The following SCHIP1 variants were observed in gnomAD, a reference collection of about 807,000 sequenced individuals.
SCHIP1 encodes schwannomin-interacting protein 1.
Under a neutral mutation model 29.7 loss-of-function variants are expected in SCHIP1, and 8 were observed. The ratio of observed to expected loss-of-function variants is 0.27; its 90% CI spans 0.16 to 0.49. SCHIP1 has a LOEUF of 0.49. SCHIP1 is among the 20% of genes least tolerant of loss of function. The pLI is 0.99. For missense variants in SCHIP1, 193 were observed against 294.6 expected, an observed-to-expected ratio of 0.66 and a Z score of 2.52; for synonymous variants, 76 against 94.9, an observed-to-expected ratio of 0.80 and a Z score of 1.16.
the SCHIP1 span, among the ~76,000 whole-genome samples, chr3:159,416,482 C>G: frequency 6.6e-6 from 1 of 152,162 alleles, no homozygotes; most frequent in Non-Finnish European, 1.5e-5. Context: ...GTGTCTGGCA[C>G]ATAACAGGCT....
the SCHIP1 span, among the ~76,000 whole-genome samples, chr3:159,398,408 G>A: frequency 1.3e-5 from 2 of 152,192 alleles, no homozygotes; most frequent in Non-Finnish European, 2.9e-5. Context: ...CAAAGGACTT[G>A]AGAGCCATGA....
chr3:159,570,206 G>A, the SCHIP1 span, among the ~76,000 whole-genome samples: 2 of 152,176 alleles, frequency 1.3e-5, no homozygotes, highest in Non-Finnish European at 2.9e-5. Context: ...TTTTAGTCCT[G>A]AAGTCCTTGC....
At chr3:159,892,262 C>A (rs1560099519) in intron 6 of SCHIP1, 72 bp downstream of exon 7, 8 of 1,563,588 alleles carry the variant, frequency 5.1e-6, no homozygotes, top group Non-Finnish European at 6.1e-6. Context: ...TAGGCAAAAA[C>A]TAGCTCAAGA....
the SCHIP1 span, among the ~76,000 whole-genome samples, chr3:159,736,305 A>C: frequency 2.0e-5 from 3 of 152,212 alleles, no homozygotes; most frequent in Non-Finnish European, 4.4e-5. Context: ...GCTGGTTCTC[A>C]AAGAGTTTTG....
chr3:159,440,681 GC>G, the SCHIP1 span, among the ~76,000 whole-genome samples: 1 of 151,932 alleles, frequency 6.6e-6, no homozygotes, highest in African/African-American at 2.4e-5. Flanking sequence ...TCCCCAGTAG[GC>G]TATGGCCATA....
At chr3:159,694,383 G>A in the SCHIP1 span, among the ~76,000 whole-genome samples, 1 of 152,094 alleles carries the variant, frequency 6.6e-6, no homozygotes, top group Non-Finnish European at 1.5e-5. Context: ...AGCTGGGCAT[G>A]GTGGCGGGTG....
chr3:159,879,286 TTC>T (rs1003611363), intron 2 of SCHIP1, among the ~76,000 whole-genome samples: 2 of 152,048 alleles, frequency 1.3e-5, no homozygotes. Context: ...TTTTTCTTTC[TTC>T]TCTTTTTTTC....
At chr3:159,483,579 A>C in the SCHIP1 span, among the ~76,000 whole-genome samples, 4 of 152,186 alleles carry the variant, frequency 2.6e-5, no homozygotes, top group Non-Finnish European at 5.9e-5. Context: ...CCATAAACTC[A>C]AAGTTTCCAG....
chr3:159,333,252 A>C, the SCHIP1 span, among the ~76,000 whole-genome samples: 1 of 152,250 alleles, frequency 6.6e-6, no homozygotes, highest in Non-Finnish European at 1.5e-5. Flanking sequence ...CATCCATGTA[A>C]GTTCTGGGTC....
the SCHIP1 span, among the ~76,000 whole-genome samples, chr3:159,380,361 G>A: frequency 1.3e-5 from 2 of 152,260 alleles, no homozygotes; most frequent in African/African-American, 4.8e-5. Context: ...ATGTGTTGAA[G>A]GCTGACATAG....
chr3:159,892,701 T>C (rs1379464489), intron 6 of SCHIP1: 2 of 160,608 alleles, frequency 1.2e-5, no homozygotes, highest in African/African-American at 2.4e-5. Context: ...AGTTTTTAGC[T>C]GGGCTTTGCT....
intron 1 of SCHIP1, among the ~76,000 whole-genome samples, chr3:159,850,536 C>A (rs1370116395): frequency 9.2e-6 from 1 of 108,140 alleles, no homozygotes. Flanking sequence ...GCTGGAGATT[C>A]CATCTCAAAA....
chr3:159,828,408 C>CGTATATATAT, the SCHIP1 span, among the ~76,000 whole-genome samples: 2 of 32,936 alleles, frequency 6.1e-5, no homozygotes, highest in African/African-American at 4.2e-4. Flanking sequence ...TATATATATA[C>CGTATATATAT]GTATATATAC....
chr3:159,707,357 C>T, the SCHIP1 span, among the ~76,000 whole-genome samples: 1 of 152,174 alleles, frequency 6.6e-6, no homozygotes, highest in African/African-American at 2.4e-5. Flanking sequence ...GTTATTTAAG[C>T]TCTCAGCACT....
At chr3:159,389,340 G>T in the SCHIP1 span, among the ~76,000 whole-genome samples, 10 of 151,988 alleles carry the variant, frequency 6.6e-5, no homozygotes, top group East Asian at 1.7e-3. Flanking sequence ...AGAAAAGCAT[G>T]TTAAAAATGT....
At chr3:159,457,068 C>G in the SCHIP1 span, among the ~76,000 whole-genome samples, 2 of 152,002 alleles carry the variant, frequency 1.3e-5, no homozygotes, top group African/African-American at 4.8e-5. Flanking sequence ...ATTACAAAAG[C>G]TTGCATATGC....
chr3:159,599,785 A>T, the SCHIP1 span, among the ~76,000 whole-genome samples: 1 of 152,088 alleles, frequency 6.6e-6, no homozygotes, highest in South Asian at 2.1e-4. Context: ...AGGCTTTCTC[A>T]TCCTTCTTTG....
chr3:159,764,723 A>G, the SCHIP1 span: 6 of 1,574,788 alleles, frequency 3.8e-6, no homozygotes, highest in South Asian at 7.0e-5. The surrounding 1 kb of genome is among the most constrained non-coding windows in gnomAD (Gnocchi z 6.1). Flanking sequence ...TACCGGGATG[A>G]CCGCTCTCCG....
At chr3:159,402,975 G>C in the SCHIP1 span, among the ~76,000 whole-genome samples, 2 of 151,956 alleles carry the variant, frequency 1.3e-5, no homozygotes, top group Non-Finnish European at 2.9e-5. Context: ...TCCCCCGTAA[G>C]TTCTAAGTAC....
Sources: allele counts gnomAD v4.1 joint callset (sites outside exome capture counted in the v4.1 genomes callset), GRCh38; gene constraint gnomAD v4.1.1; non-coding constraint Gnocchi (gnomAD v3.1); transcripts MANE v1.5; gene names NCBI Gene and HGNC (gene_info 2026-07-23, HGNC 2026-07-21).